The following TRAF3 variants were observed in gnomAD, a reference collection of about 807,000 sequenced individuals.
The protein encoded by TRAF3 is TNF receptor-associated factor 3.
A neutral mutation model predicts 62.3 loss-of-function variants in TRAF3; 13 were observed. The observed-to-expected ratio is 0.21, with a 90% CI of 0.14 to 0.33. TRAF3 has a LOEUF of 0.33. TRAF3 is among the 10% of genes least tolerant of loss of function. The probability of loss-of-function intolerance (pLI) is 1.00; values close to 1 mark genes in which losing one functional copy is unlikely to be tolerated. For missense variants in TRAF3, 440 were observed against 741.8 expected (o/e 0.59, Z 4.73); for synonymous variants, 269 against 283.4 (o/e 0.95, Z 0.51).
At position 102,886,246 on chromosome 14, in the gene TRAF3, G is replaced by A. The variant is rs145947234; in HGVS notation, c.628G>A (p.Val210Ile). ...VVVSCPHKCS[V>I]QTLLRSELSA... is the part of the protein sequence containing the mutation. ...GGTGTCCTGCCCTCACAAGTGCAGCGTCCAGACTCTCCTGAGGAGCGAGGT... is the reference window on the plus strand; with the variant it reads ...GGTGTCCTGCCCTCACAAGTGCAGCATCCAGACTCTCCTGAGGAGCGAGGT... The change falls in exon 7 of 12, where the codon GTC becomes ATC. Residue 210 changes from valine to isoleucine, a missense_variant. Transcript: ENST00000392745. 1.2e-5 allele frequency: 19 copies of A among 1,612,168 alleles called. No homozygotes were observed. The highest frequency in any genetic ancestry group is 4.0e-5 in the African/African-American group (3 of 74,938).
intron 1 of TRAF3, among the ~76,000 whole-genome samples, chr14:102,828,597 G>A (rs943919783): frequency 2.0e-5 from 3 of 152,156 alleles, no homozygotes; most frequent in African/African-American, 4.8e-5. Context: ...TTATAAGAAG[G>A]TAAGGGACTT....
intron 9 of TRAF3, among the ~76,000 whole-genome samples, chr14:102,894,070 T>A (rs1889872155): frequency 6.6e-6 from 1 of 152,188 alleles, no homozygotes; most frequent in South Asian, 2.1e-4. Context: ...CTCATGCCTG[T>A]AATCCTAGCA....
chr14:102,811,685 C>T (rs1367111765), intron 1 of TRAF3, among the ~76,000 whole-genome samples: 2 of 147,860 alleles, frequency 1.4e-5, no homozygotes, highest in African/African-American at 5.0e-5. Flanking sequence ...TCGGAAGTTG[C>T]TAAGATGGGC....
rs116308977 is a variant in TRAF3, at chr14:102,899,359, C to T, written c.960+1958C>T. ...TCTGCTGCTGCAGGCCCCGCCTACC[C>T]TCTTGAGCAGCAGCCCAGCTCAGCC... On this transcript the variant is annotated intron_variant, in intron 10 of 11. Coordinates refer to ENST00000392745, the MANE Select transcript of TRAF3 (RefSeq NM_145725.3). 4.0e-3 allele frequency among the ~76,000 whole-genome samples: 614 copies of T among 152,322 alleles called. 4 individuals carry two copies. Among genetic ancestry groups the T allele is most frequent in the African/African-American group, 0.012 (498 of 41,554 alleles).
chr14:102,855,977 A>T (rs1288575742), intron 2 of TRAF3, among the ~76,000 whole-genome samples: 2 of 151,556 alleles, frequency 1.3e-5, no homozygotes, highest in African/African-American at 4.9e-5. Flanking sequence ...CTGTATTCCC[A>T]GGTATTCGGG....
At chr14:102,845,526 T>C (rs1886650691) in intron 2 of TRAF3, among the ~76,000 whole-genome samples, 2 of 149,416 alleles carry the variant, frequency 1.3e-5, no homozygotes, top group South Asian at 4.2e-4. Flanking sequence ...AAATTTTTTT[T>C]TTTTTTCAAG....
chr14:102,905,432 A>G lies in TRAF3; in HGVS notation c.1355A>G (p.Tyr452Cys). Residue 452 changes from tyrosine to cysteine, a missense_variant, in exon 12 of 12, where the codon TAT (tyrosine) becomes TGT (cysteine). By Grantham distance (194) the Tyr-to-Cys change is radical (BLOSUM62 -2). Transcript: ENST00000392745. ...CCTTTCTACACTGGTTACTTTGGCT[A>G]TAAGATGTGTGCCAGGGTCTACCTG... is the stretch of plus-strand genomic sequence containing the variant. ...SQPFYTGYFG[Y>C]KMCARVYLNG... is the part of the protein sequence containing the mutation. The G allele has an allele frequency of 1.2e-6, 2 of 1,614,258 alleles. No individual in the cohort carries two copies. The highest frequency in any genetic ancestry group is 8.5e-7 in the Non-Finnish European group (1 of 1,180,040).
At position 102,876,514 on chromosome 14, in the gene TRAF3, A is replaced by T. The variant is rs1272837522; in HGVS notation, c.559A>T (p.Ile187Phe). 1 of 1,613,758 alleles carries T rather than the reference A, an allele frequency of 6.2e-7. No homozygotes were observed. Among genetic ancestry groups the T allele is most frequent in the Non-Finnish European group, 8.5e-7 (1 of 1,179,906 alleles). The change falls in exon 6 of 12, where the codon ATC (isoleucine) becomes TTC (phenylalanine). Residue 187 changes from isoleucine (I) to phenylalanine (F), a missense_variant. Ile to Phe is a conservative substitution (Grantham distance 21). Transcript: ENST00000392745. ...CCACTGCAAGAGTCAGGTTCCGATG[A>T]TCGCGCTGCAGGTGCGGGTCCTCCC... is the stretch of plus-strand genomic sequence containing the variant. ...CSHCKSQVPM[I>F]ALQKHEDTDC...
rs568027830 is a variant in TRAF3 at position 102,869,737 on chromosome 14, C to T, written c.-17-448C>T. Among the ~76,000 whole-genome samples, 684 of 150,374 alleles carry T rather than the reference C, an allele frequency of 4.5e-3. 3 individuals are homozygous for T. The highest frequency in any genetic ancestry group is 0.016 in the African/African-American group (665 of 40,770). On this transcript the variant is annotated intron_variant, in intron 2 of 11. Coordinates refer to ENST00000392745, the MANE Select transcript of TRAF3 (RefSeq NM_145725.3). ...AGGAGAATGGCATGAACCTGGGAGG[C>T]GGAGCTTGCAGTGAGCCAAGATGGC...
chr14:102,899,442 G>A (rs553875141), intron 10 of TRAF3, among the ~76,000 whole-genome samples: 2 of 152,244 alleles, frequency 1.3e-5, no homozygotes, highest in East Asian at 3.9e-4. Flanking sequence ...AGGGTTTATC[G>A]TAAAATCTTA....
intron 1 of TRAF3, among the ~76,000 whole-genome samples, chr14:102,811,199 C>T (rs1219836734): frequency 1.3e-5 from 2 of 151,970 alleles, no homozygotes; most frequent in African/African-American, 2.4e-5. Flanking sequence ...AAGGGGATGC[C>T]GAATTGCTGC....
At position 102,778,108 on chromosome 14, in the gene TRAF3, C is replaced by CG. The variant is rs920097037; in HGVS notation, c.-157+440dup. 4.3e-3 allele frequency among the ~76,000 whole-genome samples: 642 copies of CG among 150,290 alleles called. 3 individuals are homozygous for CG. Among genetic ancestry groups the CG allele is most frequent in the African/African-American group, 0.015 (625 of 41,136 alleles). On this transcript the variant is annotated intron_variant, in intron 1 of 11. Transcript: ENST00000392745. ...GGCCGAGCGCGCTGCCCGGGCCGGCCGGGGGGGCCCGGGCGTTATTGGAAA... is the reference window on the plus strand; with the variant it reads ...GGCCGAGCGCGCTGCCCGGGCCGGCCGGGGGGGGCCCGGGCGTTATTGGAAA...
At position 102,843,403 on chromosome 14, in the gene TRAF3, T is replaced by C. The variant is rs1044918738; in HGVS notation, c.-18+12931T>C. Among the ~76,000 whole-genome samples, 17 of 151,390 alleles carry C rather than the reference T, an allele frequency of 1.1e-4. 1 individual carries two copies. The highest frequency in any genetic ancestry group is 7.9e-4 in the Admixed American group (12 of 15,204). ...CCAGGCTGGAGTGCAGTGGGTGTGA[T>C]CTCGGCTCACTGCAATCTCTGTCTC... On this transcript the variant is annotated intron_variant, in intron 2 of 11. Coordinates refer to ENST00000392745, the MANE Select transcript of TRAF3 (RefSeq NM_145725.3).
chr14:102,862,073 G>A (rs1274510221), intron 2 of TRAF3, among the ~76,000 whole-genome samples: 5 of 152,068 alleles, frequency 3.3e-5, no homozygotes, highest in African/African-American at 7.2e-5. Flanking sequence ...AGTTTATCTA[G>A]TTTTTTATTT....
intron 7 of TRAF3, among the ~76,000 whole-genome samples, chr14:102,888,442 C>T (rs890612532): frequency 2.0e-5 from 3 of 152,182 alleles, no homozygotes; most frequent in African/African-American, 2.4e-5. Flanking sequence ...TCCTTAGTTT[C>T]GCAGCAGGGA....
At chr14:102,852,037 G>C (rs947668447) in intron 2 of TRAF3, among the ~76,000 whole-genome samples, 1 of 151,394 alleles carries the variant, frequency 6.6e-6, no homozygotes, top group Admixed American at 6.6e-5. Context: ...CCTGGGTGAC[G>C]GCAAGAAAAG....
intron 1 of TRAF3, among the ~76,000 whole-genome samples, chr14:102,808,200 A>G (rs909208048): frequency 3.3e-5 from 5 of 152,126 alleles, no homozygotes; most frequent in Non-Finnish European, 7.4e-5. Flanking sequence ...AAGTTTCGCA[A>G]TGGAGATGGA....
At chr14:102,844,969 C>T (rs1886606387) in intron 2 of TRAF3, among the ~76,000 whole-genome samples, 1 of 152,074 alleles carries the variant, frequency 6.6e-6, no homozygotes, top group African/African-American at 2.4e-5. Flanking sequence ...GCAATTTTGG[C>T]TCACTGCAAG....
chr14:102,881,893 C>T (rs1271550946), intron 6 of TRAF3, among the ~76,000 whole-genome samples: 1 of 152,196 alleles, frequency 6.6e-6, no homozygotes, highest in Non-Finnish European at 1.5e-5. Flanking sequence ...TGACTCTGAA[C>T]ACCAGATGAG....
Sources: allele counts gnomAD v4.1 joint callset (sites outside exome capture counted in the v4.1 genomes callset), GRCh38; gene constraint gnomAD v4.1.1; transcripts MANE v1.5; gene names NCBI Gene and HGNC (gene_info 2026-07-23, HGNC 2026-07-21).